Variants in STXBP5 observed in about 807,000 individuals in gnomAD.
STXBP5 encodes syntaxin binding protein 5.
STXBP5 carries 50 observed loss-of-function variants against 152.4 expected under a neutral mutation model. The ratio of observed to expected loss-of-function variants is 0.33; its 90% CI spans 0.26 to 0.42. The LOEUF is 0.42. Among genes scored for constraint, STXBP5 ranks in the 10% least tolerant of loss-of-function variants. The pLI, the probability that STXBP5 is intolerant of heterozygous loss-of-function variation, is 1.00. For missense variants in STXBP5, 1,167 were observed against 1,388.6 expected (o/e 0.84, Z 2.54); for synonymous variants, 492 against 494.7 (o/e 0.99, Z 0.07).
At chr6:147,347,107 A>G (rs1784374382) in intron 21 of STXBP5, among the ~76,000 whole-genome samples, 1 of 152,200 alleles carries the variant, frequency 6.6e-6, no homozygotes, top group Non-Finnish European at 1.5e-5. Context: ...TGGACATTCA[A>G]ACTAGGTCCT....
At position 147,280,716 on chromosome 6, in the gene STXBP5, A is replaced by G. The variant is rs17076681; in HGVS notation, c.838+2512A>G. Among the ~76,000 whole-genome samples, 145 of 152,304 alleles carry G rather than the reference A, an allele frequency of 9.5e-4. 2 individuals are homozygous for G. In the East Asian group the frequency reaches 0.024, roughly 25 times the overall value. On this transcript the variant is annotated intron_variant, in intron 8 of 27. Transcript: ENST00000321680. ...TTGAAAGCAGACTCTAGTAAGTGGT[A>G]TAAATCAGTTTCTACAGTGTTTATA...
At chr6:147,298,071 A>G (rs1200838944) in intron 9 of STXBP5, among the ~76,000 whole-genome samples, 3 of 152,120 alleles carry the variant, frequency 2.0e-5, no homozygotes, top group African/African-American at 7.2e-5. Context: ...AGCATGAATG[A>G]AAAAAGAAAA....
intron 1 of STXBP5, among the ~76,000 whole-genome samples, chr6:147,205,765 A>G (rs943601528): frequency 1.3e-5 from 2 of 152,186 alleles, no homozygotes; most frequent in African/African-American, 2.4e-5. Flanking sequence ...AAAGTATATC[A>G]CTGGACTAGA....
chr6:147,264,646 A>G (rs1003301806), intron 6 of STXBP5, among the ~76,000 whole-genome samples: 1 of 152,134 alleles, frequency 6.6e-6, no homozygotes, highest in African/African-American at 2.4e-5. Context: ...AAAGAGAAAA[A>G]TTAGACGGGA....
In STXBP5 at chr6:147,384,750, T is replaced by A. The variant is rs1186791445; in HGVS notation, c.3451T>A (p.Phe1151Ile). 6.2e-7 allele frequency: 1 copy of A among 1,611,454 alleles called. No individual in the cohort carries two copies. Residue 1151 changes from phenylalanine to isoleucine, a missense_variant, in exon 28 of 28, where the codon TTC (phenylalanine) becomes ATC (isoleucine). Phe to Ile is a conservative substitution (Grantham distance 21, BLOSUM62 0). Transcript: ENST00000321680. ...LKYKDKKWYQ[F>I] Reference sequence around the variant, plus strand: ...ATACAAAGATAAGAAGTGGTACCAGTTCTGACAACCAGAATCCAATAAGTC... The same window carrying A: ...ATACAAAGATAAGAAGTGGTACCAGATCTGACAACCAGAATCCAATAAGTC...
chr6:147,314,955 C>T (rs1782568380), intron 14 of STXBP5, among the ~76,000 whole-genome samples: 2 of 151,970 alleles, frequency 1.3e-5, no homozygotes. Context: ...ATTTTAATGC[C>T]TGACTCTAAA....
intron 6 of STXBP5, 40 bp from the exon 7 acceptor site, chr6:147,267,044 A>C (rs376840830): frequency 6.8e-7 from 1 of 1,473,470 alleles, no homozygotes; most frequent in African/African-American, 1.4e-5. Flanking sequence ...TTTATAATTG[A>C]TATCATTCCT....
intron 4 of STXBP5, among the ~76,000 whole-genome samples, chr6:147,256,783 C>T (rs1312580504): frequency 6.6e-6 from 1 of 152,020 alleles, no homozygotes; most frequent in Non-Finnish European, 1.5e-5. Flanking sequence ...GGTTTTCTTG[C>T]TCATTTAATA....
intron 2 of STXBP5, among the ~76,000 whole-genome samples, chr6:147,221,544 T>G (rs955300533): frequency 6.6e-6 from 1 of 151,814 alleles, no homozygotes; most frequent in African/African-American, 2.4e-5. Flanking sequence ...AATTCCAGTT[T>G]TTTTTTTTTT....
At chr6:147,249,964 T>C (rs545437069) in intron 4 of STXBP5, among the ~76,000 whole-genome samples, 1 of 152,280 alleles carries the variant, frequency 6.6e-6, no homozygotes, top group African/African-American at 2.4e-5. Context: ...AAAAAAGATT[T>C]GTGAGTGTGA....
At chr6:147,383,290 A>G (rs1488001627) in intron 27 of STXBP5, among the ~76,000 whole-genome samples, 2 of 152,112 alleles carry the variant, frequency 1.3e-5, no homozygotes, top group Non-Finnish European at 2.9e-5. Flanking sequence ...TGCGATACCA[A>G]TGTTAATTTT....
chr6:147,359,166 T>C lies in STXBP5; in HGVS notation c.2388T>C (p.Ala796=), dbSNP rs142257581. 1.2e-5 allele frequency: 19 copies of C among 1,614,068 alleles called. No individual in the cohort carries two copies. The African/African-American group carries it at 2.0e-4, about 17-fold the overall frequency. Residue 796 remains alanine, a synonymous_variant, in exon 23 of 28, where the codon GCT becomes GCC. Coordinates refer to ENST00000321680, the MANE Select transcript of STXBP5 (RefSeq NM_001127715.4). ...IDKESREAIS[A]LHFCETFTRK... Reference sequence around the variant, plus strand: ...AAGAATCCCGAGAAGCGATCTCCGCTCTTCATTTCTGTGAAACGTTTACTC... The same window carrying C: ...AAGAATCCCGAGAAGCGATCTCCGCCCTTCATTTCTGTGAAACGTTTACTC...
chr6:147,259,426 G>A (rs921204374), intron 4 of STXBP5, among the ~76,000 whole-genome samples: 18 of 152,074 alleles, frequency 1.2e-4, no homozygotes, highest in African/African-American at 3.9e-4. Flanking sequence ...AAATTCTTTA[G>A]AAAGAGACCA....
chr6:147,349,112 T>C (rs1250802898), intron 21 of STXBP5, among the ~76,000 whole-genome samples: 1 of 152,166 alleles, frequency 6.6e-6, no homozygotes, highest in Admixed American at 6.5e-5. Context: ...TATAGCCCTC[T>C]GAATCTGTTA....
At chr6:147,291,307 T>C (rs888069629) in intron 9 of STXBP5, 135 bp downstream of exon 9, 3 of 578,182 alleles carry the variant, frequency 5.2e-6, no homozygotes, top group Admixed American at 4.0e-5. Flanking sequence ...TTTTTTTATT[T>C]AACAAAAGAA....
intron 16 of STXBP5, among the ~76,000 whole-genome samples, chr6:147,322,261 G>A (rs893910459): frequency 1.3e-5 from 2 of 152,196 alleles, no homozygotes; most frequent in Non-Finnish European, 1.5e-5. Context: ...AAATGCCTCA[G>A]TTGTTACTCT....
At chr6:147,237,002 T>G (rs1778309372) in intron 3 of STXBP5, among the ~76,000 whole-genome samples, 1 of 152,050 alleles carries the variant, frequency 6.6e-6, no homozygotes, top group Non-Finnish European at 1.5e-5. Context: ...GGTCTCTAAC[T>G]CCTGACCTCG....
At chr6:147,315,788 A>T in intron 15 of STXBP5, 53 bp downstream of exon 15, 3 of 1,535,582 alleles carry the variant, frequency 2.0e-6, no homozygotes, top group Non-Finnish European at 2.7e-6. Flanking sequence ...CCACATTTTT[A>T]AATTTGTGGA....
intron 2 of STXBP5, among the ~76,000 whole-genome samples, chr6:147,231,378 T>G (rs1325451054): frequency 6.6e-6 from 1 of 151,852 alleles, no homozygotes; most frequent in Non-Finnish European, 1.5e-5. Context: ...AGTCTAGCTG[T>G]GCAGAAATTA....
Sources: allele counts gnomAD v4.1 joint callset (sites outside exome capture counted in the v4.1 genomes callset), GRCh38; gene constraint gnomAD v4.1.1; transcripts MANE v1.5; gene names NCBI Gene and HGNC (gene_info 2026-07-23, HGNC 2026-07-21).